The following SDK1 variants were observed in gnomAD, a reference collection of about 807,000 sequenced individuals.
SDK1 encodes the protein sidekick cell adhesion molecule 1, also known as protein sidekick-1.
Under a neutral mutation model 245.5 loss-of-function variants are expected in SDK1, and 157 were observed. The observed-to-expected ratio is 0.64, with a 90% CI of 0.56 to 0.73. The LOEUF (loss-of-function observed/expected upper bound fraction) is 0.73. Among genes scored for constraint, SDK1 ranks in the 30% least tolerant of loss-of-function variants. The pLI, the probability that SDK1 is intolerant of heterozygous loss-of-function variation, is 0.00. For synonymous variants in SDK1, 1,647 were observed against 1,278.5 expected, an observed-to-expected ratio of 1.29 and a Z score of -6.15; for missense variants, 3,583 against 3,002.3, an observed-to-expected ratio of 1.19 and a Z score of -4.52.
chr7:3,506,497 C>T (rs1347666817), intron 1 of SDK1, among the ~76,000 whole-genome samples: 3 of 152,024 alleles, frequency 2.0e-5, no homozygotes. Flanking sequence ...TATAATTTGC[C>T]AAATTTTTAA....
intron 40 of SDK1, among the ~76,000 whole-genome samples, chr7:4,225,967 G>A (rs1404279112): frequency 2.0e-5 from 3 of 152,156 alleles, no homozygotes; most frequent in Non-Finnish European, 2.9e-5. Context: ...TCTTTCATGG[G>A]AAGTTGAGAC....
At chr7:3,848,667 G>A (rs1021829490) in intron 5 of SDK1, among the ~76,000 whole-genome samples, 13 of 151,482 alleles carry the variant, frequency 8.6e-5, no homozygotes, top group Admixed American at 3.3e-4. Flanking sequence ...CTATAGAGTT[G>A]TCTTTTCTTT....
At chr7:3,652,604 G>A (rs1216860445) in intron 4 of SDK1, among the ~76,000 whole-genome samples, 1 of 152,212 alleles carries the variant, frequency 6.6e-6, no homozygotes, top group Admixed American at 6.5e-5. Flanking sequence ...GAGGGCTGGT[G>A]TGAGAAGAGA....
intron 5 of SDK1, among the ~76,000 whole-genome samples, chr7:3,946,728 T>A (rs1458797260): frequency 3.9e-5 from 6 of 152,128 alleles, no homozygotes; most frequent in Non-Finnish European, 5.9e-5. Flanking sequence ...GACAGTGAGG[T>A]CCAGGGAACG....
rs990948904 is a variant in SDK1, at chr7:3,573,270, C to G, written c.299-45810C>G. Reference sequence around the variant, plus strand: ...GGCATTGGTGGGACGATGGCTGGAGCTGAGCAAGGGACTGACAGTATGGCC... The same window carrying G: ...GGCATTGGTGGGACGATGGCTGGAGGTGAGCAAGGGACTGACAGTATGGCC... On this transcript the variant is annotated intron_variant, in intron 1 of 44. Transcript: ENST00000404826. Among the ~76,000 whole-genome samples the G allele has an allele frequency of 1.1e-4, 16 of 152,232 alleles. 2 individuals are homozygous for G. The highest frequency in any genetic ancestry group is 4.1e-4 in the South Asian group (2 of 4,824).
chr7:3,835,422 A>G (rs1179441282), intron 5 of SDK1, among the ~76,000 whole-genome samples: 3 of 152,126 alleles, frequency 2.0e-5, no homozygotes, highest in African/African-American at 7.2e-5. Flanking sequence ...TGAACCTAAT[A>G]TCAGGGACAG....
intron 41 of SDK1, among the ~76,000 whole-genome samples, chr7:4,234,063 G>A (rs922961543): frequency 6.6e-6 from 1 of 152,188 alleles, no homozygotes; most frequent in Non-Finnish European, 1.5e-5. Context: ...ATTTTGGAGG[G>A]GCAAGAACCA....
At chr7:3,863,354 T>C (rs1420322482) in intron 5 of SDK1, among the ~76,000 whole-genome samples, 1 of 152,228 alleles carries the variant, frequency 6.6e-6, no homozygotes, top group Non-Finnish European at 1.5e-5. Flanking sequence ...ACTGATGCCT[T>C]ACTGCCCTTT....
rs116305856 is a variant in SDK1, at chr7:4,113,409, C to A, written c.3555C>A (p.Ala1185=). The A allele has an allele frequency of 1.3e-3, 2,093 of 1,613,830 alleles. 22 individuals carry two copies. In the African/African-American group the frequency reaches 0.025, roughly 19 times the overall value. Residue 1185 remains alanine, a synonymous_variant, in exon 24 of 45, where the codon GCC becomes GCA. Transcript: ENST00000404826. ...VAPTSVTVRT[A]SETSLRLRWV... ...CAACCAGCGTCACGGTCCGTACTGCCAGTGAGACCAGCCTGCGGCTTCGCT... is the reference window on the plus strand; with the variant it reads ...CAACCAGCGTCACGGTCCGTACTGCAAGTGAGACCAGCCTGCGGCTTCGCT...
intron 4 of SDK1, among the ~76,000 whole-genome samples, chr7:3,677,187 T>G (rs1783928960): frequency 6.6e-6 from 1 of 152,146 alleles, no homozygotes; most frequent in African/African-American, 2.4e-5. Flanking sequence ...CTGCTCTGTG[T>G]GCGAAGGGGT....
chr7:3,352,060 A>G (rs1780673482), intron 1 of SDK1, among the ~76,000 whole-genome samples: 1 of 151,430 alleles, frequency 6.6e-6, no homozygotes, highest in Non-Finnish European at 1.5e-5. Context: ...ATCAACCAAA[A>G]GATAACAGGA....
chr7:4,244,524 C>T (rs1022923191), intron 43 of SDK1, among the ~76,000 whole-genome samples: 2 of 152,212 alleles, frequency 1.3e-5, no homozygotes, highest in Admixed American at 6.5e-5. Context: ...TTTTACTCAG[C>T]TCAGATAGTC....
intron 5 of SDK1, among the ~76,000 whole-genome samples, chr7:3,948,757 C>T (rs573208703): frequency 1.3e-5 from 2 of 152,318 alleles, no homozygotes; most frequent in East Asian, 1.9e-4. Context: ...GAGCCCCCAC[C>T]AGTCTGGGGA....
intron 5 of SDK1, among the ~76,000 whole-genome samples, chr7:3,848,654 T>C (rs1255295783): frequency 2.0e-5 from 3 of 152,018 alleles, no homozygotes; most frequent in Non-Finnish European, 4.4e-5. Flanking sequence ...CGTTCTGCAA[T>C]GACTATAGAG....
At chr7:4,183,399 G>A (rs1562402209) in intron 35 of SDK1, among the ~76,000 whole-genome samples, 1 of 152,072 alleles carries the variant, frequency 6.6e-6, no homozygotes, top group African/African-American at 2.4e-5. Flanking sequence ...ACTTTGGGAG[G>A]CTGAGGTGGG....
intron 14 of SDK1, among the ~76,000 whole-genome samples, chr7:4,007,920 A>T (rs908497321): frequency 2.6e-5 from 4 of 152,182 alleles, no homozygotes; most frequent in African/African-American, 9.7e-5. Flanking sequence ...AACACACATA[A>T]AAAATCCATC....
At chr7:4,181,009 A>G (rs1208744525) in intron 35 of SDK1, among the ~76,000 whole-genome samples, 1 of 152,202 alleles carries the variant, frequency 6.6e-6, no homozygotes, top group Admixed American at 6.5e-5. Flanking sequence ...GTTCAGCGGC[A>G]TTCAGGATGG....
rs1292199670 is a variant in SDK1, at chr7:3,418,145, G to GCAAAAAAAAA, written c.298+116261_298+116262insCAAAAAAAAA. Reference sequence around the variant, plus strand: ...GTGAAACCCGATCTCTACTAAAAATGAAAAAAAAAAAAAAAAAAAAAAATA... The same window carrying GCAAAAAAAAA: ...GTGAAACCCGATCTCTACTAAAAATGCAAAAAAAAAAAAAAAAAAAAAAAAAAAAAAAATA... On this transcript the variant is annotated intron_variant, in intron 1 of 44. Coordinates refer to ENST00000404826, the MANE Select transcript of SDK1 (RefSeq NM_152744.4). Among the ~76,000 whole-genome samples, 67 of 119,712 alleles carry GCAAAAAAAAA rather than the reference G, an allele frequency of 5.6e-4. 5 individuals carry two copies. The highest frequency in any genetic ancestry group is 2.2e-3 in the African/African-American group (57 of 25,772). The allele number at this position is 119,712 out of a possible 152,430, so 78.5% of individuals were successfully genotyped here.
At chr7:4,201,291 C>G (rs113416442) in intron 35 of SDK1, among the ~76,000 whole-genome samples, 8,719 of 152,282 alleles carry the variant, frequency 0.057, 330 homozygotes, top group South Asian at 0.088. Context: ...CAGAATGGAG[C>G]CTGTCTCCAG....
Sources: gnomAD v4.1 joint callset for allele counts (sites outside exome capture counted in the v4.1 genomes callset) on GRCh38, gnomAD v4.1.1 for gene constraint, MANE v1.5 for transcripts, NCBI Gene and HGNC (gene_info 2026-07-23, HGNC 2026-07-21) for gene names.